Variants in CDKAL1 observed in about 807,000 individuals in gnomAD.
CDKAL1 encodes threonylcarbamoyladenosine tRNA methylthiotransferase.
CDKAL1 carries 32 observed loss-of-function variants against 68.2 expected under a neutral mutation model. That is an observed-to-expected ratio of 0.47 (90% confidence interval 0.35 to 0.63). The LOEUF (loss-of-function observed/expected upper bound fraction) is 0.63, where lower values mean the gene tolerates loss of function less well. Among genes scored for constraint, CDKAL1 ranks in the 30% least tolerant of loss-of-function variants. The pLI is 0.00. For synonymous variants in CDKAL1, 234 were observed against 244.3 expected, an observed-to-expected ratio of 0.96 and a Z score of 0.39; for missense variants, 606 against 696.7, an observed-to-expected ratio of 0.87 and a Z score of 1.47.
At chr6:20,963,086 G>A (rs199630623) in intron 10 of CDKAL1, among the ~76,000 whole-genome samples, 1 of 152,136 alleles carries the variant, frequency 6.6e-6, no homozygotes, top group East Asian at 1.9e-4. Flanking sequence ...GGCTTCATTG[G>A]GAACCTAATT....
At chr6:20,874,676 T>A (rs544634256) in intron 9 of CDKAL1, among the ~76,000 whole-genome samples, 2 of 152,108 alleles carry the variant, frequency 1.3e-5, no homozygotes, top group African/African-American at 4.8e-5. Flanking sequence ...TGATTTTCTG[T>A]ATTTTTAGTG....
At chr6:20,799,244 G>A (rs745446099) in intron 8 of CDKAL1, among the ~76,000 whole-genome samples, 20 of 151,786 alleles carry the variant, frequency 1.3e-4, no homozygotes, top group Non-Finnish European at 2.1e-4. Flanking sequence ...TAGAGACGGG[G>A]TTTCTCCATG....
chr6:20,732,004 T>C (rs1772954061), intron 5 of CDKAL1, among the ~76,000 whole-genome samples: 1 of 152,106 alleles, frequency 6.6e-6, no homozygotes, highest in Non-Finnish European at 1.5e-5. Context: ...CTGGTAGGAC[T>C]CAGAAGCATC....
rs1484094705 is a variant in CDKAL1, at chr6:21,068,046, GTTTACCAGTTGGA to G, written c.1236+2824_1236+2836del. Among the ~76,000 whole-genome samples, 15 of 19,022 alleles carry G rather than the reference GTTTACCAGTTGGA, an allele frequency of 7.9e-4. No homozygotes were observed. The South Asian group carries it at 9.2e-3, about 12-fold the overall frequency. 12.5% of individuals were successfully genotyped at this position (19,022 alleles called of 152,430 possible). ...AAATCTTTTGCCCATCTACCTGTTG[GTTTACCAGTTGGA>G]TTTACAACCCGCCCTTACCCCCAAT... On this transcript the variant is annotated intron_variant, in intron 12 of 15. Coordinates refer to ENST00000274695, the MANE Select transcript of CDKAL1 (RefSeq NM_017774.3).
At chr6:20,824,926 A>G (rs550542808) in intron 8 of CDKAL1, among the ~76,000 whole-genome samples, 1 of 152,278 alleles carries the variant, frequency 6.6e-6, no homozygotes, top group Non-Finnish European at 1.5e-5. Flanking sequence ...CATGTTTGTG[A>G]TAATTAGCTA....
chr6:21,044,017 C>A (rs1770083538), intron 11 of CDKAL1, among the ~76,000 whole-genome samples: 1 of 152,266 alleles, frequency 6.6e-6, no homozygotes. Flanking sequence ...AATATAAATT[C>A]TATTGATGTC....
Position 20,967,736 on chromosome 6 carries a change from A to C in CDKAL1, c.909+12151A>C, listed in dbSNP as rs115072049. On this transcript the variant is annotated intron_variant, in intron 10 of 15. Coordinates refer to ENST00000274695, the MANE Select transcript of CDKAL1 (RefSeq NM_017774.3). ...CTTTATTTCTTCCTGTGGATTGGAG[A>C]GTCCTTTCATTTCAGCCTGAAGGGT... Among the ~76,000 whole-genome samples the C allele has an allele frequency of 6.3e-3, 958 of 152,284 alleles. 13 individuals carry two copies. Among genetic ancestry groups the C allele is most frequent in the African/African-American group, 0.021 (891 of 41,558 alleles).
chr6:20,889,488 G>C (rs1561860341), intron 9 of CDKAL1, among the ~76,000 whole-genome samples: 1 of 151,864 alleles, frequency 6.6e-6, no homozygotes, highest in African/African-American at 2.4e-5. Context: ...TTTCTTCTAG[G>C]GTTTTTATGG....
chr6:20,946,892 T>G (rs1036878339), intron 9 of CDKAL1, among the ~76,000 whole-genome samples: 1 of 152,202 alleles, frequency 6.6e-6, no homozygotes, highest in Non-Finnish European at 1.5e-5. Context: ...CCACTGCAAC[T>G]GACCTCATCA....
chr6:20,779,197 A>G (rs1028948301), intron 7 of CDKAL1, among the ~76,000 whole-genome samples: 2 of 152,222 alleles, frequency 1.3e-5, no homozygotes, highest in African/African-American at 4.8e-5. Flanking sequence ...TGATGGGAAC[A>G]TTAAATGGTA....
intron 5 of CDKAL1, among the ~76,000 whole-genome samples, chr6:20,719,520 G>A (rs1045182912): frequency 6.6e-5 from 10 of 152,174 alleles, no homozygotes; most frequent in African/African-American, 2.2e-4. Flanking sequence ...ACATAGGAAG[G>A]TTGAAAAGAC....
intron 8 of CDKAL1, among the ~76,000 whole-genome samples, chr6:20,828,227 A>G (rs1416134403): frequency 6.6e-6 from 1 of 151,464 alleles, no homozygotes; most frequent in Non-Finnish European, 1.5e-5. Flanking sequence ...TGCCTGTTTC[A>G]TTATTATTAT....
intron 4 of CDKAL1, among the ~76,000 whole-genome samples, chr6:20,641,581 T>TA (rs1267451084): frequency 6.6e-6 from 1 of 152,230 alleles, no homozygotes; most frequent in Non-Finnish European, 1.5e-5. Flanking sequence ...TTTTCCTTTG[T>TA]AAAACACAAA....
At chr6:21,145,264 A>T (rs563510820) in intron 13 of CDKAL1, among the ~76,000 whole-genome samples, 1 of 152,238 alleles carries the variant, frequency 6.6e-6, no homozygotes, top group Admixed American at 6.5e-5. Context: ...ATGTTAAATT[A>T]TGGTAATAAA....
At position 20,845,525 on chromosome 6, in the gene CDKAL1, G is replaced by A. The variant is rs1778345476; in HGVS notation, c.639-550G>A. 3.3e-5 allele frequency among the ~76,000 whole-genome samples: 5 copies of A among 151,790 alleles called. No individual in the cohort carries two copies. The South Asian group carries it at 1.0e-3, about 32-fold the overall frequency. On this transcript the variant is annotated intron_variant, in intron 8 of 15. Transcript: ENST00000274695. ...TCTCAGAGAATTATTCATTGAACAT[G>A]CTTTAATATTTTTTCCTGATTTCAA...
intron 4 of CDKAL1, among the ~76,000 whole-genome samples, chr6:20,550,860 C>CTTTTTT (rs70990044): frequency 5.5e-5 from 4 of 72,924 alleles, no homozygotes; most frequent in Admixed American, 1.8e-4. Flanking sequence ...GAGGTTGTGT[C>CTTTTTT]TTTTTTTTTT....
intron 12 of CDKAL1, among the ~76,000 whole-genome samples, chr6:21,107,379 G>A (rs1468105173): frequency 3.3e-5 from 5 of 152,118 alleles, no homozygotes; most frequent in East Asian, 1.9e-4. Context: ...TCAAGAACAC[G>A]TCATTAGAAA....
chr6:20,607,526 G>A (rs1309257086), intron 4 of CDKAL1, among the ~76,000 whole-genome samples: 1 of 151,608 alleles, frequency 6.6e-6, no homozygotes. Context: ...TAAAAACAGA[G>A]TTATCAGGAG....
intron 4 of CDKAL1, among the ~76,000 whole-genome samples, chr6:20,622,738 T>C (rs1767250244): frequency 2.7e-5 from 4 of 145,828 alleles, no homozygotes; most frequent in African/African-American, 1.0e-4. Flanking sequence ...TTCTGCTATC[T>C]TTTACTTTGA....
Sources: gnomAD v4.1 joint callset for allele counts (sites outside exome capture counted in the v4.1 genomes callset) on GRCh38, gnomAD v4.1.1 for gene constraint, MANE v1.5 for transcripts, NCBI Gene and HGNC (gene_info 2026-07-23, HGNC 2026-07-21) for gene names.